OPRM1: variants seen among roughly 807,000 people sequenced by gnomAD.
The protein encoded by OPRM1 is opioid receptor mu 1, also known as mu-type opioid receptor.
In OPRM1, 27 loss-of-function variants were observed where a neutral mutation model predicts 31.8. The ratio of observed to expected loss-of-function variants is 0.85; its 90% CI spans 0.63 to 1.17. The LOEUF (loss-of-function observed/expected upper bound fraction) is 1.17, where lower values mean the gene tolerates loss of function less well. Ranked by LOEUF, OPRM1 falls within the 50% of genes most tolerant of loss-of-function variation. The pLI is 0.00. For synonymous variants in OPRM1, 196 were observed against 189.9 expected (o/e 1.03, Z -0.26); for missense variants, 536 against 511.1 (o/e 1.05, Z -0.47).
At chr6:154,227,451 G>T (rs1193608755) in intron 3 of OPRM1, among the ~76,000 whole-genome samples, 2 of 152,068 alleles carry the variant, frequency 1.3e-5, no homozygotes, top group Admixed American at 1.3e-4. Flanking sequence ...AGGCTCACTG[G>T]CTCACGCCTG....
intron 3 of OPRM1, among the ~76,000 whole-genome samples, chr6:154,185,286 A>T (rs1182835199): frequency 6.6e-6 from 1 of 152,206 alleles, no homozygotes; most frequent in Non-Finnish European, 1.5e-5. Context: ...GAGCTTAATG[A>T]CTGCCTAAGT....
intron 3 of OPRM1, among the ~76,000 whole-genome samples, chr6:154,148,964 C>G (rs537703694): frequency 1.3e-5 from 2 of 152,326 alleles, no homozygotes; most frequent in East Asian, 3.9e-4. Flanking sequence ...AATGTGGCCC[C>G]TGTATACAAT....
chr6:154,242,798 G>C lies in OPRM1; in HGVS notation c.1165-3895G>C, dbSNP rs558863749. 1.5e-4 allele frequency among the ~76,000 whole-genome samples: 23 copies of C among 152,228 alleles called. 3 individuals carry two copies. Among genetic ancestry groups the C allele is most frequent in the South Asian group, 6.2e-4 (3 of 4,828 alleles). The stretch of plus-strand genomic sequence containing the variant: ...GCTACTCAAGGAGGCTGAGGCATGA[G>C]AATCGCTTGATCCTGGGAGGCAGAG... On this transcript the variant is annotated intron_variant, in intron 3 of 3. Coordinates refer to the OPRM1 transcript ENST00000337049.
At chr6:154,013,759 C>T (rs549897222) in intron 1 of OPRM1, among the ~76,000 whole-genome samples, 1 of 152,026 alleles carries the variant, frequency 6.6e-6, no homozygotes, top group Admixed American at 6.6e-5. Context: ...GCTAAGGTGA[C>T]TGGAGCAACC....
Position 154,091,837 on chromosome 6 carries a change from G to A in OPRM1, c.1164+365G>A, listed in dbSNP as rs765938464. ...TATTATATAATTCATAGATGTTGCT[G>A]CAATACCCCTCTTATTTCTCAAAAG... On this transcript the variant is annotated intron_variant, in intron 3 of 3. Transcript: ENST00000330432. The A allele has an allele frequency of 8.7e-4, 872 of 1,007,186 alleles. 1 individual carries two copies. The highest frequency in any genetic ancestry group is 1.6e-3 in the Admixed American group (29 of 17,896). 62.4% of individuals were successfully genotyped at this position (1,007,186 alleles called of 1,614,324 possible). A position where few individuals can be genotyped will look rare whatever the true frequency, so the allele number is the denominator to read the frequency against.
chr6:154,072,875 A>G lies in OPRM1; in HGVS notation c.291-16951A>G, dbSNP rs776041477. 1.9e-4 allele frequency among the ~76,000 whole-genome samples: 29 copies of G among 152,224 alleles called. 1 individual carries two copies. Among genetic ancestry groups the G allele is most frequent in the Admixed American group, 1.6e-3 (25 of 15,286 alleles). ...AACCACCTGATTGCCTGCTTGAACCACTGGTGACCTCTGCACACGGATACC... is the reference window on the plus strand; with the variant it reads ...AACCACCTGATTGCCTGCTTGAACCGCTGGTGACCTCTGCACACGGATACC... On this transcript the variant is annotated intron_variant, in intron 1 of 3. Coordinates refer to ENST00000330432, the MANE Select transcript of OPRM1 (RefSeq NM_000914.5).
At chr6:154,207,343 A>G (rs577374199) in intron 3 of OPRM1, among the ~76,000 whole-genome samples, 1 of 152,222 alleles carries the variant, frequency 6.6e-6, no homozygotes, top group African/African-American at 2.4e-5. Flanking sequence ...AATCTTGAGG[A>G]GAAAGGGTGA....
intron 3 of OPRM1, among the ~76,000 whole-genome samples, chr6:154,099,454 GAGAA>G (rs71740914): frequency 0.67 from 94,875 of 142,382 alleles, 31,838 homozygotes; most frequent in East Asian, 0.89. Flanking sequence ...GAAAGAAAGA[GAGAA>G]AGAAAGAAAG....
rs6920227 is a variant in OPRM1 at position 154,145,547 on chromosome 6, C to T, written c.1164+54075C>T. The stretch of plus-strand genomic sequence containing the variant: ...CATACATTGTTCATAGGTTGGAAGA[C>T]TCAATGAAATAAAGATGTCAATTCT... On this transcript the variant is annotated intron_variant, in intron 3 of 3. Transcript: ENST00000337049. Among the ~76,000 whole-genome samples, 937 of 152,318 alleles carry T rather than the reference C, an allele frequency of 6.2e-3. 15 individuals carry two copies. Among genetic ancestry groups the T allele is most frequent in the African/African-American group, 0.022 (908 of 41,564 alleles).
chr6:154,034,376 C>T (rs1779175753), upstream of OPRM1, among the ~76,000 whole-genome samples: 2 of 152,140 alleles, frequency 1.3e-5, no homozygotes, highest in African/African-American at 4.8e-5. Context: ...AACCGCGTCT[C>T]TACTAAAAAT....
rs182079304 is a variant in OPRM1, at chr6:154,061,694, G to A, written c.290+21860G>A. Among the ~76,000 whole-genome samples the A allele has an allele frequency of 1.2e-3, 179 of 151,964 alleles. 1 individual carries two copies. The highest frequency in any genetic ancestry group is 6.8e-3 in the Middle Eastern group (2 of 294). Reference sequence around the variant, plus strand: ...GGGTGGAAGGTGGGAGGAGGGTAAGGATCAAAAAACTTTTATCAGGCACTA... The same window carrying A: ...GGGTGGAAGGTGGGAGGAGGGTAAGAATCAAAAAACTTTTATCAGGCACTA... On this transcript the variant is annotated intron_variant, in intron 1 of 3. Transcript: ENST00000330432.
In OPRM1 at chr6:154,119,230, A is replaced by G. The variant is rs1562489251; in HGVS notation, c.*509A>G. 5.1e-6 allele frequency: 5 copies of G among 985,656 alleles called. No individual in the cohort carries two copies. The South Asian group carries it at 1.9e-4, about 37-fold the overall frequency. 61.1% of individuals were successfully genotyped at this position (985,656 alleles called of 1,614,324 possible). A position where few individuals can be genotyped will look rare whatever the true frequency, so the allele number is the denominator to read the frequency against. ...CTTTTAACTTCACCTTAAAATTAGC[A>G]TCTGGCTAAGGCATCATTTTCACCT... On this transcript the variant is annotated 3_prime_UTR_variant, in exon 4 of 4. Coordinates refer to ENST00000330432, the MANE Select transcript of OPRM1 (RefSeq NM_000914.5).
chr6:154,092,807 C>T (rs941423437), intron 3 of OPRM1, among the ~76,000 whole-genome samples: 5 of 152,200 alleles, frequency 3.3e-5, no homozygotes, highest in African/African-American at 1.2e-4. Context: ...CACAGGAACT[C>T]ACACCCCCTA....
At chr6:154,024,036 A>G (rs1281853319) in intron 1 of OPRM1, among the ~76,000 whole-genome samples, 3 of 152,106 alleles carry the variant, frequency 2.0e-5, no homozygotes, top group African/African-American at 4.8e-5. Context: ...TTTTGGTATC[A>G]GGGTAATATT....
intron 3 of OPRM1, among the ~76,000 whole-genome samples, chr6:154,100,893 G>A (rs953341766): frequency 3.9e-4 from 57 of 147,814 alleles, no homozygotes; most frequent in African/African-American, 1.4e-3. Flanking sequence ...AAATATATAT[G>A]TATATATAAT....
chr6:154,199,116 G>C (rs543185855), intron 3 of OPRM1, among the ~76,000 whole-genome samples: 1 of 152,130 alleles, frequency 6.6e-6, no homozygotes, highest in African/African-American at 2.4e-5. Flanking sequence ...TTTTCTGAAC[G>C]CATGAGTTGT....
chr6:154,018,076 C>G (rs1778110878), intron 1 of OPRM1, among the ~76,000 whole-genome samples: 1 of 152,136 alleles, frequency 6.6e-6, no homozygotes, highest in South Asian at 2.1e-4. Context: ...GTTTAACATG[C>G]AGCTGCGGGC....
intron 1 of OPRM1, among the ~76,000 whole-genome samples, chr6:154,045,966 C>G (rs933782774): frequency 6.6e-5 from 10 of 152,206 alleles, no homozygotes; most frequent in Non-Finnish European, 1.2e-4. Flanking sequence ...TTTTCCTCTT[C>G]CCTGGTTTAC....
At chr6:154,144,781 C>T (rs1170283898) in intron 3 of OPRM1, among the ~76,000 whole-genome samples, 1 of 141,172 alleles carries the variant, frequency 7.1e-6, no homozygotes, top group African/African-American at 2.6e-5. Flanking sequence ...AAGAATTATA[C>T]ACCATGACCA....
Sources: gnomAD v4.1 joint callset for allele counts (sites outside exome capture counted in the v4.1 genomes callset) on GRCh38, gnomAD v4.1.1 for gene constraint, MANE v1.5 for transcripts, NCBI Gene and HGNC (gene_info 2026-07-23, HGNC 2026-07-21) for gene names.